The following ZFX variants were observed in gnomAD, a reference collection of about 807,000 sequenced individuals.
The protein encoded by ZFX is zinc finger X-chromosomal protein.
For missense variants in ZFX, 362 were observed against 628.3 expected (o/e 0.58, Z 4.53); for synonymous variants, 196 against 226.8 (o/e 0.86, Z 1.22).
intron 3 of ZFX, among the ~76,000 whole-genome samples, chrX:24,161,133 A>G (rs1466766097): frequency 8.9e-6 from 1 of 112,138 alleles, no homozygotes; most frequent in Non-Finnish European, 1.9e-5. Flanking sequence ...AATTTATAAT[A>G]AGGTCAAAAA....
intron 5 of ZFX, among the ~76,000 whole-genome samples, chrX:24,204,440 A>T (rs1052894709): frequency 2.7e-5 from 3 of 111,984 alleles, no homozygotes; most frequent in Non-Finnish European, 5.6e-5. Flanking sequence ...TATCATTTCA[A>T]AGACGTCAGA....
chrX:24,173,617 G>A (rs771507292), intron 4 of ZFX: 122 of 1,113,561 alleles, frequency 1.1e-4, no homozygotes, highest in Non-Finnish European at 1.3e-4. Flanking sequence ...ACAGGGTCTC[G>A]TTCTGTCACC....
At chrX:24,177,077 C>T (rs1307144214) in intron 4 of ZFX, among the ~76,000 whole-genome samples, 1 of 110,612 alleles carries the variant, frequency 9.0e-6, no homozygotes, top group African/African-American at 3.3e-5. Context: ...GGACCACAGG[C>T]ACGTGCCACC....
chrX:24,178,431 G>C (rs1382991174), intron 4 of ZFX, among the ~76,000 whole-genome samples: 2 of 108,121 alleles, frequency 1.8e-5, no homozygotes, highest in African/African-American at 6.7e-5. Flanking sequence ...TGGGACTACA[G>C]GCGCTCGCCA....
chrX:24,206,500 CGTGTGTGTGTGTGTGTGTGTGTGT>C (rs774457469), intron 5 of ZFX, among the ~76,000 whole-genome samples: 75 of 59,595 alleles, frequency 1.3e-3, no homozygotes, highest in Middle Eastern at 0.012. Context: ...CCATGCCTGG[CGTGTGTGTGTGTGTGTGTGTGTGT>C]GTGTGTGTGT....
chrX:24,206,500 CGTGTGTGTGTGTGTGTGTGTGTGTGTGT>C (rs774457469), intron 5 of ZFX, among the ~76,000 whole-genome samples: 4 of 59,598 alleles, frequency 6.7e-5, no homozygotes, highest in East Asian at 4.6e-4. Flanking sequence ...CCATGCCTGG[CGTGTGTGTGTGTGTGTGTGTGTGTGTGT>C]GTGTGTGTGT....
intron 5 of ZFX, among the ~76,000 whole-genome samples, chrX:24,185,650 C>G (rs1301983760): frequency 1.8e-5 from 2 of 111,981 alleles, no homozygotes; most frequent in Non-Finnish European, 3.8e-5. Flanking sequence ...AGGGTTTCGT[C>G]ATGTTGGCCA....
intron 5 of ZFX, among the ~76,000 whole-genome samples, chrX:24,190,728 C>T (rs1192226421): frequency 1.8e-5 from 2 of 112,016 alleles, no homozygotes; most frequent in African/African-American, 6.5e-5. Flanking sequence ...ACATACCTCT[C>T]CTTGCCTATC....
At chrX:24,175,179 A>C (rs757279899) in intron 4 of ZFX, among the ~76,000 whole-genome samples, 2 of 112,120 alleles carry the variant, frequency 1.8e-5, no homozygotes, top group Admixed American at 9.5e-5. Context: ...AAGAGACTAA[A>C]CTCTTTGGAG....
rs954524872 is a variant in ZFX, at chrX:24,211,649, C to G, written c.*273C>G. The G allele has an allele frequency of 3.5e-6, 1 of 289,034 alleles. No homozygotes were observed. Among genetic ancestry groups the G allele is most frequent in the Non-Finnish European group, 6.0e-6 (1 of 167,843 alleles). The allele number at this position is 289,034 out of a possible 1,213,427, so 23.8% of individuals were successfully genotyped here. The stretch of plus-strand genomic sequence containing the variant: ...CTGATTCTATACCGAAGTTTTATAT[C>G]TTAGAATTTTATATTTATTTAAATA... On this transcript the variant is annotated 3_prime_UTR_variant, in exon 10 of 10. Coordinates refer to ENST00000304543, the MANE Select transcript of ZFX (RefSeq NM_003410.4).
chrX:24,157,608 G>C (rs1028080847), intron 3 of ZFX, among the ~76,000 whole-genome samples: 6 of 111,851 alleles, frequency 5.4e-5, no homozygotes, highest in African/African-American at 2.0e-4. Context: ...TGTCTGCCTT[G>C]AAAGAAAATC....
At chrX:24,187,881 T>G (rs2147798589) in intron 5 of ZFX, among the ~76,000 whole-genome samples, 1 of 111,234 alleles carries the variant, frequency 9.0e-6, no homozygotes, top group Non-Finnish European at 1.9e-5. Flanking sequence ...TTAGAAGCAC[T>G]AAGAGGATGG....
In ZFX at chrX:24,188,398, C is replaced by T. The variant is rs531388404; in HGVS notation, c.646+8628C>T. Among the ~76,000 whole-genome samples, 8 of 110,507 alleles carry T rather than the reference C, an allele frequency of 7.2e-5. No homozygotes were observed. The South Asian group carries it at 3.0e-3, about 42-fold the overall frequency. The stretch of plus-strand genomic sequence containing the variant: ...TTCAAAGACAAGGATTAAAAAAAAA[C>T]TGTTTTCAAAGCTTTAAAAAATAAT... On this transcript the variant is annotated intron_variant, in intron 5 of 9. Coordinates refer to ENST00000304543, the MANE Select transcript of ZFX (RefSeq NM_003410.4).
At chrX:24,198,392 G>T (rs186077726) in intron 5 of ZFX, among the ~76,000 whole-genome samples, 1 of 109,191 alleles carries the variant, frequency 9.2e-6, no homozygotes, top group African/African-American at 3.3e-5. Flanking sequence ...TTTAGAGATG[G>T]TCTCACTATA....
intron 3 of ZFX, among the ~76,000 whole-genome samples, chrX:24,163,287 C>T (rs1933579006): frequency 1.4e-5 from 1 of 73,977 alleles, no homozygotes; most frequent in Non-Finnish European, 2.5e-5. Context: ...TTTTACATGA[C>T]GGATCATATT....
chrX:24,177,601 C>T, intron 4 of ZFX: 2 of 521,045 alleles, frequency 3.8e-6, no homozygotes, highest in Non-Finnish European at 4.7e-6. Flanking sequence ...TCTCCAGAGC[C>T]TCCTCAACCC....
chrX:24,185,440 A>T (rs1261206984), intron 5 of ZFX, among the ~76,000 whole-genome samples: 1 of 111,552 alleles, frequency 9.0e-6, no homozygotes, highest in African/African-American at 3.3e-5. Flanking sequence ...ATACTTAATG[A>T]TGCATTTTAT....
At chrX:24,164,466 T>C (rs893154516) in intron 3 of ZFX, among the ~76,000 whole-genome samples, 10 of 111,772 alleles carry the variant, frequency 8.9e-5, no homozygotes, top group Admixed American at 1.9e-4. Flanking sequence ...GTGTTAACAC[T>C]GAGTTTACAG....
At chrX:24,158,332 C>G (rs972958901) in intron 3 of ZFX, among the ~76,000 whole-genome samples, 1 of 110,328 alleles carries the variant, frequency 9.1e-6, no homozygotes, top group South Asian at 3.8e-4. Context: ...GACGGGTGGA[C>G]TTTGTCTCAA....
Sources: allele counts gnomAD v4.1 joint callset (sites outside exome capture counted in the v4.1 genomes callset), GRCh38; gene constraint gnomAD v4.1.1; transcripts MANE v1.5; gene names NCBI Gene and HGNC (gene_info 2026-07-23, HGNC 2026-07-21).